The following GPR39 variants were observed in gnomAD, a reference collection of about 807,000 sequenced individuals.
GPR39 encodes zinc sensing receptor.
GPR39 carries 23 observed loss-of-function variants against 18.4 expected under a neutral mutation model. The ratio of observed to expected loss-of-function variants is 1.25; its 90% CI spans 0.90 to 1.77. The LOEUF is 1.77. Ranked by LOEUF, GPR39 falls within the 40% of genes most tolerant of loss-of-function variation. The pLI, the probability that GPR39 is intolerant of heterozygous loss-of-function variation, is 0.00. For synonymous variants in GPR39, 280 were observed against 257.9 expected, an observed-to-expected ratio of 1.09 and a Z score of -0.82; for missense variants, 647 against 602.4, an observed-to-expected ratio of 1.07 and a Z score of -0.78.
At chr2:132,488,998 T>TC (rs1323009454) in intron 1 of GPR39, 1 of 158,956 alleles carries the variant, frequency 6.3e-6, no homozygotes, top group African/African-American at 2.4e-5. Context: ...TGACGCGGAG[T>TC]CTATCATGGT....
At chr2:132,631,547 C>T (rs1041561850) in intron 1 of GPR39, among the ~76,000 whole-genome samples, 1 of 152,192 alleles carries the variant, frequency 6.6e-6, no homozygotes, top group Non-Finnish European at 1.5e-5. Context: ...AATTCAAACA[C>T]AGTGTGAGCC....
At chr2:132,550,396 C>T (rs1043467528) in intron 1 of GPR39, among the ~76,000 whole-genome samples, 1 of 152,168 alleles carries the variant, frequency 6.6e-6, no homozygotes, top group African/African-American at 2.4e-5. Context: ...GAGGTACTTG[C>T]CTCTTGGAAA....
At chr2:132,629,185 G>C (rs1242951630) in intron 1 of GPR39, among the ~76,000 whole-genome samples, 1 of 152,214 alleles carries the variant, frequency 6.6e-6, no homozygotes, top group East Asian at 1.9e-4. Flanking sequence ...TTGGAAGACA[G>C]GCAGCAGGGA....
intron 1 of GPR39, among the ~76,000 whole-genome samples, chr2:132,531,687 T>G (rs1679634951): frequency 6.6e-6 from 1 of 152,198 alleles, no homozygotes; most frequent in Non-Finnish European, 1.5e-5. Flanking sequence ...AACTCAGGAT[T>G]AAGAAACTCA....
At chr2:132,496,895 T>C (rs1681651623) in intron 1 of GPR39, among the ~76,000 whole-genome samples, 1 of 152,222 alleles carries the variant, frequency 6.6e-6, no homozygotes, top group South Asian at 2.1e-4. Flanking sequence ...TTCTAGGCTG[T>C]GGAACAGCAC....
At chr2:132,556,717 ACAGT>A (rs1054614374) in intron 1 of GPR39, among the ~76,000 whole-genome samples, 4 of 152,046 alleles carry the variant, frequency 2.6e-5, no homozygotes, top group African/African-American at 9.7e-5. Flanking sequence ...CCCCCTCCAC[ACAGT>A]CTCCTTAATC....
intron 1 of GPR39, among the ~76,000 whole-genome samples, chr2:132,544,058 T>A (rs953591762): frequency 6.6e-6 from 1 of 152,224 alleles, no homozygotes; most frequent in Admixed American, 6.5e-5. Context: ...AGTCGTCAGT[T>A]TCCCCTTATC....
chr2:132,470,147 G>A (rs1681003929), intron 1 of GPR39, among the ~76,000 whole-genome samples: 1 of 152,192 alleles, frequency 6.6e-6, no homozygotes, highest in African/African-American at 2.4e-5. Context: ...AGAAGTGTTT[G>A]TCCCTGAATT....
At chr2:132,419,119 AT>A (rs1384692417) in intron 1 of GPR39, among the ~76,000 whole-genome samples, 6 of 152,208 alleles carry the variant, frequency 3.9e-5, no homozygotes, top group Non-Finnish European at 8.8e-5. Context: ...ATTTGAAATA[AT>A]TGCCCTAATG....
intron 1 of GPR39, among the ~76,000 whole-genome samples, chr2:132,509,178 T>C (rs1368823514): frequency 6.6e-6 from 1 of 152,178 alleles, no homozygotes; most frequent in African/African-American, 2.4e-5. Context: ...GACAGATCAG[T>C]ATGCAATCAG....
chr2:132,579,984 A>G (rs903967367), intron 1 of GPR39, among the ~76,000 whole-genome samples: 5 of 152,258 alleles, frequency 3.3e-5, no homozygotes, highest in Non-Finnish European at 7.3e-5. Flanking sequence ...CATTGGCTTC[A>G]TTCATTTTAG....
chr2:132,619,886 C>T (rs1254926954), intron 1 of GPR39, among the ~76,000 whole-genome samples: 1 of 151,884 alleles, frequency 6.6e-6, no homozygotes, highest in African/African-American at 2.4e-5. Flanking sequence ...ACACCCTACA[C>T]CCCACACCAC....
chr2:132,624,255 A>G (rs1042332089), intron 1 of GPR39, among the ~76,000 whole-genome samples: 2 of 151,910 alleles, frequency 1.3e-5, no homozygotes, highest in Non-Finnish European at 2.9e-5. Context: ...CTGTGTCCAA[A>G]TTTCCTCTTC....
chr2:132,644,240 G>A (rs1349011246), intron 1 of GPR39, among the ~76,000 whole-genome samples: 1 of 152,206 alleles, frequency 6.6e-6, no homozygotes, highest in Admixed American at 6.5e-5. Flanking sequence ...ATGTGGGCAT[G>A]CAAACAAATG....
At chr2:132,607,399 A>C (rs1033894174) in intron 1 of GPR39, among the ~76,000 whole-genome samples, 2 of 152,198 alleles carry the variant, frequency 1.3e-5, no homozygotes, top group African/African-American at 4.8e-5. Context: ...TATGAAATCC[A>C]GAGTTAGAGG....
chr2:132,467,013 A>C (rs1327024284), intron 1 of GPR39, among the ~76,000 whole-genome samples: 1 of 152,194 alleles, frequency 6.6e-6, no homozygotes, highest in Non-Finnish European at 1.5e-5. Context: ...AATGGTGCTT[A>C]TATGTGTTTG....
intron 1 of GPR39, among the ~76,000 whole-genome samples, chr2:132,504,731 T>C (rs545426899): frequency 6.6e-6 from 1 of 152,362 alleles, no homozygotes; most frequent in African/African-American, 2.4e-5. Flanking sequence ...AAAGAATTAA[T>C]AACCATCTGG....
At chr2:132,431,520 A>T (rs1225516995) in intron 1 of GPR39, among the ~76,000 whole-genome samples, 1 of 152,246 alleles carries the variant, frequency 6.6e-6, no homozygotes, top group East Asian at 1.9e-4. Flanking sequence ...TGTCAGTCAC[A>T]TTCTGTCTCT....
In GPR39 at chr2:132,494,176, T is replaced by C. The variant is rs1681593921; in HGVS notation, c.856+76278T>C. Among the ~76,000 whole-genome samples, 3 of 152,160 alleles carry C rather than the reference T, an allele frequency of 2.0e-5. No homozygotes were observed. The South Asian group carries it at 6.2e-4, about 32-fold the overall frequency. On this transcript the variant is annotated intron_variant, in intron 1 of 1. Transcript: ENST00000329321. ...ATACAGGTTTCTCATTGAGTTGCCT[T>C]CCCTAAATCAGGGTTTGGTTTCACT...
Sources: allele counts gnomAD v4.1 joint callset (sites outside exome capture counted in the v4.1 genomes callset), GRCh38; gene constraint gnomAD v4.1.1; transcripts MANE v1.5; gene names NCBI Gene and HGNC (gene_info 2026-07-23, HGNC 2026-07-21).